Variants in TMEM184B observed in about 807,000 individuals in gnomAD.
TMEM184B encodes transmembrane protein 184B.
TMEM184B carries 17 observed loss-of-function variants against 41.8 expected under a neutral mutation model. The ratio of observed to expected loss-of-function variants is 0.41; its 90% CI spans 0.28 to 0.61. The LOEUF (loss-of-function observed/expected upper bound fraction) is 0.61. TMEM184B is among the 20% of genes least tolerant of loss of function. The pLI, the probability that TMEM184B is intolerant of heterozygous loss-of-function variation, is 0.34. For synonymous variants in TMEM184B, 240 were observed against 229.5 expected (o/e 1.05, Z -0.41); for missense variants, 393 against 557.8 (o/e 0.70, Z 2.98).
chr22:38,242,049 T>C (rs2091921991), intron 3 of TMEM184B, among the ~76,000 whole-genome samples: 1 of 151,664 alleles, frequency 6.6e-6, no homozygotes, highest in Non-Finnish European at 1.5e-5. Context: ...GCTGAAAGAG[T>C]TGAAAGTACA....
intron 1 of TMEM184B, among the ~76,000 whole-genome samples, chr22:38,272,018 C>T (rs769653013): frequency 6.6e-6 from 1 of 152,190 alleles, no homozygotes; most frequent in South Asian, 2.1e-4. Context: ...ACAAAAGCAC[C>T]AGCAGTCAGA....
At position 38,220,834 on chromosome 22, in the gene TMEM184B, G is replaced by A; in HGVS notation, c.*635C>T. ...CCCAGAAGCCCCTGCTTCAACAGAA[G>A]CGGTGCCCAGGGGCCCTGAATGCCC... On this transcript the variant is annotated 3_prime_UTR_variant, in exon 9 of 9. Transcript: ENST00000361906. 1.0e-5 allele frequency: 10 copies of A among 986,126 alleles called. No individual in the cohort carries two copies. The highest frequency in any genetic ancestry group is 1.2e-5 in the Non-Finnish European group (10 of 830,128). The allele number at this position is 986,126 out of a possible 1,614,324, so 61.1% of individuals were successfully genotyped here. A position where few individuals can be genotyped will look rare whatever the true frequency, so the allele number is the denominator to read the frequency against.
At chr22:38,233,536 G>A (rs1296721145) in intron 3 of TMEM184B, among the ~76,000 whole-genome samples, 2 of 152,212 alleles carry the variant, frequency 1.3e-5, no homozygotes, top group African/African-American at 2.4e-5. Flanking sequence ...TGCCTGTGCT[G>A]GAGGCAGCTC....
At chr22:38,234,291 C>T (rs979862007) in intron 3 of TMEM184B, among the ~76,000 whole-genome samples, 13 of 152,108 alleles carry the variant, frequency 8.5e-5, no homozygotes, top group African/African-American at 2.9e-4. Context: ...CGGGGAAGCA[C>T]GAGCTAGCCT....
At chr22:38,233,915 G>A (rs954102497) in intron 3 of TMEM184B, among the ~76,000 whole-genome samples, 22 of 152,000 alleles carry the variant, frequency 1.4e-4, no homozygotes, top group African/African-American at 4.6e-4. Flanking sequence ...GATTACAGGC[G>A]CACACCACCA....
intron 1 of TMEM184B, among the ~76,000 whole-genome samples, chr22:38,257,241 A>G (rs1191808763): frequency 6.6e-6 from 1 of 152,162 alleles, no homozygotes; most frequent in Non-Finnish European, 1.5e-5. Flanking sequence ...AAAATTTTCC[A>G]AAGCATTTTA....
At chr22:38,224,733 T>C (rs1203696551) in intron 8 of TMEM184B, 52 bp downstream of exon 8, 18 of 1,516,974 alleles carry the variant, frequency 1.2e-5, no homozygotes, top group Middle Eastern at 2.3e-4. Context: ...CCTGGGATGT[T>C]TGGGGCTCCC....
chr22:38,253,708 T>A (rs1204211908), intron 1 of TMEM184B, among the ~76,000 whole-genome samples: 2 of 152,092 alleles, frequency 1.3e-5, no homozygotes. Flanking sequence ...GAGAAAATAT[T>A]TGAAACCTAG....
At chr22:38,230,903 C>T (rs2091598134) in intron 4 of TMEM184B, among the ~76,000 whole-genome samples, 159 bp from the exon 5 acceptor site, 1 of 152,172 alleles carries the variant, frequency 6.6e-6, no homozygotes, top group African/African-American at 2.4e-5. Context: ...AGAGGCATGG[C>T]AGGGCATCCG....
chr22:38,262,415 A>G (rs1402208244), intron 1 of TMEM184B, among the ~76,000 whole-genome samples: 2 of 152,164 alleles, frequency 1.3e-5, no homozygotes, highest in African/African-American at 2.4e-5. Flanking sequence ...GCACGTGGAG[A>G]CTGCTCTGGA....
rs1045257747 is a variant in TMEM184B at position 38,219,999 on chromosome 22, G to C, written c.*1470C>G. 2 of 985,356 alleles carry C rather than the reference G, an allele frequency of 2.0e-6. No individual in the cohort carries two copies. The highest frequency in any genetic ancestry group is 2.4e-6 in the Non-Finnish European group (2 of 829,970). 61.0% of individuals were successfully genotyped at this position (985,356 alleles called of 1,614,324 possible). A position where few individuals can be genotyped will look rare whatever the true frequency, so the allele number is the denominator to read the frequency against. Reference sequence around the variant, plus strand: ...CTGTTCATTCCAGGAAGGACCAAAAGAAAGAATCCCCAGTGAACACCGGCA... The same window carrying C: ...CTGTTCATTCCAGGAAGGACCAAAACAAAGAATCCCCAGTGAACACCGGCA... On this transcript the variant is annotated 3_prime_UTR_variant, in exon 9 of 9. Transcript: ENST00000361906.
Position 38,220,484 on chromosome 22 carries a change from C to T in TMEM184B, c.*985G>A, listed in dbSNP as rs963143216. 6.1e-6 allele frequency: 6 copies of T among 985,970 alleles called. No individual in the cohort carries two copies. The highest frequency in any genetic ancestry group is 6.0e-6 in the Non-Finnish European group (5 of 830,050). 61.1% of individuals were successfully genotyped at this position (985,970 alleles called of 1,614,324 possible). A position where few individuals can be genotyped will look rare whatever the true frequency, so the allele number is the denominator to read the frequency against. On this transcript the variant is annotated 3_prime_UTR_variant, in exon 9 of 9. Coordinates refer to ENST00000361906, the MANE Select transcript of TMEM184B (RefSeq NM_012264.5). The stretch of plus-strand genomic sequence containing the variant: ...TGGGACCATTCCCCCCACCTCCCAG[C>T]TCCCCACTGTGTGGCCACCCCTCCC...
intron 1 of TMEM184B, among the ~76,000 whole-genome samples, chr22:38,271,229 C>A (rs1418039230): frequency 6.6e-6 from 1 of 152,200 alleles, no homozygotes. Flanking sequence ...AGAAGGCAGG[C>A]ACCAGGTCCC....
chr22:38,241,907 A>AAAAAAAAAAAAAAAC (rs2091918029), intron 3 of TMEM184B, among the ~76,000 whole-genome samples: 2 of 149,264 alleles, frequency 1.3e-5, no homozygotes, highest in Admixed American at 6.7e-5. Context: ...AAAAAAAAAA[A>AAAAAAAAAAAAAAAC]GAACGAGACC....
chr22:38,219,733 G>A lies in TMEM184B; in HGVS notation c.*1736C>T, dbSNP rs756205506. ...CAGCACTTTGGCCTGGAGGGAGAAGGGAAGCCACGGTGGAGAGACAGCTTG... is the reference window on the plus strand; with the variant it reads ...CAGCACTTTGGCCTGGAGGGAGAAGAGAAGCCACGGTGGAGAGACAGCTTG... On this transcript the variant is annotated 3_prime_UTR_variant, in exon 9 of 9. Coordinates refer to ENST00000361906, the MANE Select transcript of TMEM184B (RefSeq NM_012264.5). 5.9e-4 allele frequency: 580 copies of A among 985,632 alleles called. No homozygotes were observed. Among genetic ancestry groups the A allele is most frequent in the Non-Finnish European group, 6.9e-4 (572 of 830,154 alleles). The allele number at this position is 985,632 out of a possible 1,614,324, so 61.1% of individuals were successfully genotyped here. A position where few individuals can be genotyped will look rare whatever the true frequency, so the allele number is the denominator to read the frequency against.
At chr22:38,248,115 T>A (rs2092080154) in intron 1 of TMEM184B, 96 bp from the exon 2 acceptor site, 1 of 1,423,896 alleles carries the variant, frequency 7.0e-7, no homozygotes, top group Non-Finnish European at 9.2e-7. Context: ...CCTGACCATG[T>A]CTGTATTGAC....
At chr22:38,240,546 G>A (rs947468627) in intron 3 of TMEM184B, among the ~76,000 whole-genome samples, 7 of 152,050 alleles carry the variant, frequency 4.6e-5, no homozygotes, top group African/African-American at 1.7e-4. Context: ...GAAGAAAGTG[G>A]AGGGGAAGAA....
rs114995330 is a variant in TMEM184B at position 38,226,603 on chromosome 22, C to T, written c.617+176G>A. Reference sequence around the variant, plus strand: ...CAATGGCTCACTCCGGGGCTGGCAGCGGGGCCAACTGCAAGGGTGTCCACT... The same window carrying T: ...CAATGGCTCACTCCGGGGCTGGCAGTGGGGCCAACTGCAAGGGTGTCCACT... On this transcript the variant is annotated intron_variant, in intron 6 of 8. Transcript: ENST00000361906. This position sits in a 1 kb window ranked among gnomAD's most constrained non-coding sequence, Gnocchi z 4.6. 2.0e-3 allele frequency: 1,171 copies of T among 590,092 alleles called. 12 individuals carry two copies. In the African/African-American group the frequency reaches 0.02, roughly 10 times the overall value. 36.6% of individuals were successfully genotyped at this position (590,092 alleles called of 1,614,324 possible). A position where few individuals can be genotyped will look rare whatever the true frequency, so the allele number is the denominator to read the frequency against.
At chr22:38,265,614 A>G (rs945747489) in intron 1 of TMEM184B, among the ~76,000 whole-genome samples, 1 of 152,228 alleles carries the variant, frequency 6.6e-6, no homozygotes, top group Admixed American at 6.5e-5. Context: ...AGGATTACAT[A>G]AAACCATATA....
Sources: allele counts gnomAD v4.1 joint callset (sites outside exome capture counted in the v4.1 genomes callset), GRCh38; gene constraint gnomAD v4.1.1; non-coding constraint Gnocchi (gnomAD v3.1); transcripts MANE v1.5; gene names NCBI Gene and HGNC (gene_info 2026-07-23, HGNC 2026-07-21).